The following BAZ2B variants were observed in gnomAD, a reference collection of about 807,000 sequenced individuals.
BAZ2B encodes the protein bromodomain adjacent to zinc finger domain 2B.
Under a neutral mutation model 246.0 loss-of-function variants are expected in BAZ2B, and 91 were observed. That is an observed-to-expected ratio of 0.37 (90% CI 0.31 to 0.44). The LOEUF is 0.44. Among genes scored for constraint, BAZ2B ranks in the 20% least tolerant of loss-of-function variants. The pLI, the probability that BAZ2B is intolerant of heterozygous loss-of-function variation, is 1.00. For synonymous variants in BAZ2B, 855 were observed against 860.0 expected (o/e 0.99, Z 0.10); for missense variants, 2,332 against 2,533.7 (o/e 0.92, Z 1.71).
At chr2:159,647,312 G>A in the BAZ2B span, among the ~76,000 whole-genome samples, 66 of 152,306 alleles carry the variant, frequency 4.3e-4, no homozygotes, top group African/African-American at 1.4e-3. Context: ...GACCCAAGAA[G>A]AGCCAACGTT....
chr2:159,704,120 G>T, the BAZ2B span, among the ~76,000 whole-genome samples: 1 of 152,136 alleles, frequency 6.6e-6, no homozygotes, highest in Non-Finnish European at 1.5e-5. Flanking sequence ...GAGCACTGAA[G>T]CTCCATGGTA....
intron 27 of BAZ2B, among the ~76,000 whole-genome samples, chr2:159,352,020 C>A (rs1470318647): frequency 3.3e-5 from 5 of 152,156 alleles, no homozygotes; most frequent in African/African-American, 1.2e-4. Flanking sequence ...AAATGGAATA[C>A]TACTATTCAC....
chr2:159,463,275 T>C, intron 3 of BAZ2B: 1 of 375,616 alleles, frequency 2.7e-6, no homozygotes, highest in South Asian at 2.5e-5. Context: ...GTTCTCAACA[T>C]TTATATTTTG....
chr2:159,344,606 A>G (rs2067428399), intron 31 of BAZ2B, among the ~76,000 whole-genome samples: 1 of 152,164 alleles, frequency 6.6e-6, no homozygotes, highest in African/African-American at 2.4e-5. Flanking sequence ...AATAGCCAAA[A>G]TACAGAATGA....
intron 2 of BAZ2B, among the ~76,000 whole-genome samples, chr2:159,541,251 C>A (rs2086623955): frequency 7.2e-6 from 1 of 138,262 alleles, no homozygotes; most frequent in Non-Finnish European, 1.5e-5. Context: ...GGTAAACAAA[C>A]AAAAGCCCTT....
chr2:159,330,756 G>A (rs957373224), intron 34 of BAZ2B, among the ~76,000 whole-genome samples: 1 of 151,996 alleles, frequency 6.6e-6, no homozygotes, highest in African/African-American at 2.4e-5. Flanking sequence ...TGCTTGGGAG[G>A]CTGAGGTGAG....
intron 2 of BAZ2B, among the ~76,000 whole-genome samples, chr2:159,555,132 C>T (rs1218819960): frequency 6.8e-6 from 1 of 147,968 alleles, no homozygotes; most frequent in Non-Finnish European, 1.5e-5. Flanking sequence ...CTCTCTATTG[C>T]CCAGGTTGGA....
intron 2 of BAZ2B, among the ~76,000 whole-genome samples, chr2:159,553,392 CAAAAAAAAAA>C (rs35253250): frequency 6.8e-5 from 5 of 73,824 alleles, no homozygotes; most frequent in Middle Eastern, 9.8e-3. Flanking sequence ...GACTCTGTCT[CAAAAAAAAAA>C]AAAAAAAAAA....
intron 1 of BAZ2B, among the ~76,000 whole-genome samples, chr2:159,604,915 T>C (rs1693044170): frequency 6.7e-6 from 1 of 148,484 alleles, no homozygotes; most frequent in Non-Finnish European, 1.5e-5. Flanking sequence ...TCTAAAGAAC[T>C]GAAAAGTTAA....
intron 1 of BAZ2B, among the ~76,000 whole-genome samples, chr2:159,600,706 G>C (rs141503839): frequency 5.8e-4 from 88 of 152,202 alleles, no homozygotes; most frequent in African/African-American, 2.0e-3. Flanking sequence ...GTAAGTAAGA[G>C]AATATTCAGA....
intron 1 of BAZ2B, among the ~76,000 whole-genome samples, chr2:159,563,084 G>C (rs1046546820): frequency 6.6e-6 from 1 of 152,028 alleles, no homozygotes; most frequent in South Asian, 2.1e-4. Context: ...ATTTAGTTAG[G>C]TCAAATAACT....
At chr2:159,364,184 T>G (rs1245897350) in intron 27 of BAZ2B, among the ~76,000 whole-genome samples, 5 of 152,106 alleles carry the variant, frequency 3.3e-5, no homozygotes, top group African/African-American at 1.2e-4. Context: ...CCTCCAATAT[T>G]TACGGGTTTG....
At chr2:159,437,325 G>C in intron 8 of BAZ2B, 1 of 152,002 alleles carries the variant, frequency 6.6e-6, no homozygotes, top group South Asian at 2.1e-4. Flanking sequence ...AAAATTCTCT[G>C]GAGTGTTTCC....
At chr2:159,694,303 T>C in the BAZ2B span, 4 of 152,130 alleles carry the variant, frequency 2.6e-5, no homozygotes, top group Non-Finnish European at 5.9e-5. Flanking sequence ...GGTGAGAAAA[T>C]ACATTTCTGT....
chr2:159,619,860 G>C (rs1696361347), upstream of BAZ2B, among the ~76,000 whole-genome samples: 1 of 152,016 alleles, frequency 6.6e-6, no homozygotes, highest in Non-Finnish European at 1.5e-5. Context: ...AGTTGCTATA[G>C]TTATAAAATA....
chr2:159,543,824 G>A (rs62173250), intron 2 of BAZ2B, among the ~76,000 whole-genome samples: 5 of 152,176 alleles, frequency 3.3e-5, no homozygotes, highest in Non-Finnish European at 5.9e-5. Context: ...ATGCGCCACC[G>A]CGCCTGGCCA....
chr2:159,535,479 G>A (rs1437769789), intron 2 of BAZ2B, among the ~76,000 whole-genome samples: 1 of 152,178 alleles, frequency 6.6e-6, no homozygotes. Context: ...CCAAGATTGC[G>A]CCATTGCACT....
chr2:159,337,224 G>A (rs1212690273), intron 32 of BAZ2B, 147 bp from the exon 33 acceptor site: 27 of 1,115,614 alleles, frequency 2.4e-5, no homozygotes, highest in Middle Eastern at 2.3e-4. Context: ...ATTTGATGTA[G>A]TGCACAGACT....
chr2:159,506,872 A>G (rs2082384478), intron 2 of BAZ2B, among the ~76,000 whole-genome samples: 1 of 152,196 alleles, frequency 6.6e-6, no homozygotes, highest in Non-Finnish European at 1.5e-5. Flanking sequence ...GAAAAGAGAA[A>G]GAGTAATTCA....
Sources: gnomAD v4.1 joint callset for allele counts (sites outside exome capture counted in the v4.1 genomes callset) on GRCh38, gnomAD v4.1.1 for gene constraint, MANE v1.5 for transcripts, NCBI Gene and HGNC (gene_info 2026-07-23, HGNC 2026-07-21) for gene names.